Variants in FUT8 observed in about 807,000 individuals in gnomAD.
FUT8 encodes fucosyltransferase 8, also known as alpha-(1,6)-fucosyltransferase.
Under a neutral mutation model 71.3 loss-of-function variants are expected in FUT8, and 29 were observed. The ratio of observed to expected loss-of-function variants is 0.41; its 90% CI spans 0.30 to 0.55. FUT8 has a LOEUF of 0.55. FUT8 is among the 20% of genes least tolerant of loss of function. FUT8 has a pLI of 0.34. For missense variants in FUT8, 544 were observed against 702.1 expected (o/e 0.77, Z 2.55); for synonymous variants, 254 against 239.3 (o/e 1.06, Z -0.57).
chr14:65,398,305 C>T, the FUT8 span, among the ~76,000 whole-genome samples: 3 of 152,100 alleles, frequency 2.0e-5, no homozygotes, highest in African/African-American at 7.2e-5. Flanking sequence ...TGTCACCACA[C>T]CCTGCTAATT....
chr14:65,699,421 T>C (rs1436805967), intron 7 of FUT8, among the ~76,000 whole-genome samples: 1 of 152,142 alleles, frequency 6.6e-6, no homozygotes, highest in Admixed American at 6.5e-5. Context: ...AAAGAAATAA[T>C]ATTTCTAAGC....
intron 3 of FUT8, among the ~76,000 whole-genome samples, chr14:65,604,588 A>G (rs1191504743): frequency 6.6e-6 from 1 of 151,886 alleles, no homozygotes; most frequent in Non-Finnish European, 1.5e-5. Context: ...AACCTCTGGG[A>G]TACAGCAAAG....
At chr14:65,616,979 C>A in intron 5 of FUT8, 2 of 1,231,782 alleles carry the variant, frequency 1.6e-6, no homozygotes, top group Non-Finnish European at 2.2e-6. Context: ...GAAAAGAAAA[C>A]ATTTTGGTGC....
At chr14:65,691,485 ATTAT>A (rs1336282228) in intron 7 of FUT8, among the ~76,000 whole-genome samples, 2 of 144,928 alleles carry the variant, frequency 1.4e-5, no homozygotes, top group African/African-American at 2.9e-5. Context: ...ATATTATTAA[ATTAT>A]TTATCTCCTT....
At chr14:65,683,635 G>T (rs1200103908) in intron 7 of FUT8, among the ~76,000 whole-genome samples, 3 of 152,036 alleles carry the variant, frequency 2.0e-5, no homozygotes, top group Non-Finnish European at 4.4e-5. Flanking sequence ...GAATATTACA[G>T]TTAAATAATC....
chr14:65,499,029 C>T (rs1257277673), intron 2 of FUT8, among the ~76,000 whole-genome samples: 10 of 152,102 alleles, frequency 6.6e-5, no homozygotes, highest in Admixed American at 6.6e-4. Flanking sequence ...ACGTGTCTCC[C>T]AACATAGGAT....
chr14:65,699,863 C>T (rs1894195661), intron 7 of FUT8, among the ~76,000 whole-genome samples: 1 of 152,108 alleles, frequency 6.6e-6, no homozygotes, highest in Non-Finnish European at 1.5e-5. Flanking sequence ...AAGTTACGTT[C>T]CATGTAGTAC....
At chr14:65,706,088 A>G (rs1028519297) in intron 7 of FUT8, among the ~76,000 whole-genome samples, 2 of 152,224 alleles carry the variant, frequency 1.3e-5, no homozygotes, top group African/African-American at 4.8e-5. Flanking sequence ...TTCTACATGT[A>G]ACATTTTATT....
chr14:65,452,930 A>T (rs1290911277), intron 1 of FUT8, among the ~76,000 whole-genome samples: 1 of 152,134 alleles, frequency 6.6e-6, no homozygotes, highest in Non-Finnish European at 1.5e-5. Context: ...ACAGATATAT[A>T]ATAACTTTTA....
At chr14:65,433,338 GA>G (rs1428444823) in intron 1 of FUT8, among the ~76,000 whole-genome samples, 5 of 152,294 alleles carry the variant, frequency 3.3e-5, no homozygotes, top group African/African-American at 9.6e-5. Context: ...GGTACATAGT[GA>G]TGATTAGCTT....
At chr14:65,379,974 C>T in the FUT8 span, among the ~76,000 whole-genome samples, 9 of 152,146 alleles carry the variant, frequency 5.9e-5, no homozygotes, top group African/African-American at 2.2e-4. Context: ...AGGGCTCTGC[C>T]CTCGTGACTG....
At chr14:65,592,789 A>G (rs931082538) in intron 3 of FUT8, among the ~76,000 whole-genome samples, 5 of 152,162 alleles carry the variant, frequency 3.3e-5, no homozygotes, top group African/African-American at 1.2e-4. Flanking sequence ...ATTGGGAACA[A>G]TGCATCTCAT....
rs55846929 is a variant in FUT8, at chr14:65,714,419, T to TTTTATTTA, written c.836-7319_836-7312dup. ...TGTGTCTTTTGTGGTTCCATATAAA[T>TTTTATTTA]TTTATTTATTTATTTATTTATTTAT... is the stretch of plus-strand genomic sequence containing the variant. On this transcript the variant is annotated intron_variant, in intron 7 of 10. Coordinates refer to ENST00000673929, the MANE Select transcript of FUT8 (RefSeq NM_001371533.1). Among the ~76,000 whole-genome samples the TTTTATTTA allele has an allele frequency of 1.6e-3, 233 of 145,486 alleles. 1 individual carries two copies. Among genetic ancestry groups the TTTTATTTA allele is most frequent in the Middle Eastern group, 3.4e-3 (1 of 290 alleles).
At chr14:65,440,289 T>C (rs2065634142) in intron 1 of FUT8, among the ~76,000 whole-genome samples, 1 of 151,666 alleles carries the variant, frequency 6.6e-6, no homozygotes, top group Non-Finnish European at 1.5e-5. Flanking sequence ...GTGTACAGCA[T>C]GGTTGACTGT....
chr14:65,716,233 A>G (rs1895052086), intron 7 of FUT8, among the ~76,000 whole-genome samples: 1 of 152,120 alleles, frequency 6.6e-6, no homozygotes, highest in African/African-American at 2.4e-5. Context: ...ATCTCCAGCT[A>G]TTATTATATT....
intron 2 of FUT8, among the ~76,000 whole-genome samples, chr14:65,557,063 T>C (rs1007637947): frequency 1.3e-5 from 2 of 152,226 alleles, no homozygotes; most frequent in Non-Finnish European, 2.9e-5. Flanking sequence ...CCAAGCATTA[T>C]GATAAGTGGT....
chr14:65,563,569 C>G (rs1298258134), intron 3 of FUT8, among the ~76,000 whole-genome samples: 1 of 151,976 alleles, frequency 6.6e-6, no homozygotes, highest in African/African-American at 2.4e-5. Flanking sequence ...CCAAGAATAG[C>G]TACTATTCTA....
At chr14:65,553,536 G>A (rs964354701) in intron 2 of FUT8, among the ~76,000 whole-genome samples, 1 of 151,586 alleles carries the variant, frequency 6.6e-6, no homozygotes, top group Admixed American at 6.6e-5. Context: ...ATTTTTATCT[G>A]GTATCATACT....
intron 2 of FUT8, among the ~76,000 whole-genome samples, chr14:65,464,208 A>G (rs2066007357): frequency 6.7e-6 from 1 of 148,366 alleles, no homozygotes; most frequent in East Asian, 2.0e-4. Context: ...TTATCTTACA[A>G]TCTGTAGTAA....
Sources: gnomAD v4.1 joint callset for allele counts (sites outside exome capture counted in the v4.1 genomes callset) on GRCh38, gnomAD v4.1.1 for gene constraint, MANE v1.5 for transcripts, NCBI Gene and HGNC (gene_info 2026-07-23, HGNC 2026-07-21) for gene names.